PRDM2: variants seen among roughly 807,000 people sequenced by gnomAD.
The protein encoded by PRDM2 is PR/SET domain 2, also known as PR domain zinc finger protein 2.
Under a neutral mutation model 130.0 loss-of-function variants are expected in PRDM2, and 30 were observed. The observed-to-expected ratio is 0.23, with a 90% CI of 0.17 to 0.31. The LOEUF (loss-of-function observed/expected upper bound fraction) is 0.31, where lower values mean the gene tolerates loss of function less well. Among genes scored for constraint, PRDM2 ranks in the 10% least tolerant of loss-of-function variants. The pLI, the probability that PRDM2 is intolerant of heterozygous loss-of-function variation, is 1.00. For synonymous variants in PRDM2, 871 were observed against 782.4 expected (o/e 1.11, Z -1.89); for missense variants, 2,011 against 2,108.4 (o/e 0.95, Z 0.90).
At chr1:13,730,842 G>A (rs1268517195) in intron 2 of PRDM2, among the ~76,000 whole-genome samples, 158 bp from the exon 3 acceptor site, 2 of 151,860 alleles carry the variant, frequency 1.3e-5, no homozygotes, top group Non-Finnish European at 2.9e-5. Flanking sequence ...CATCAAAGCA[G>A]CTCCTCAAAT....
intron 8 of PRDM2, 110 bp from the exon 9 acceptor site, chr1:13,816,317 C>G: frequency 1.4e-6 from 2 of 1,390,410 alleles, no homozygotes; most frequent in Middle Eastern, 1.9e-4. Context: ...AAGTGCAATC[C>G]TATCCTGGCC....
At chr1:13,704,653 C>G (rs1392165662) in intron 1 of PRDM2, among the ~76,000 whole-genome samples, 1 of 152,124 alleles carries the variant, frequency 6.6e-6, no homozygotes, top group Non-Finnish European at 1.5e-5. Flanking sequence ...ATTGGTAAAA[C>G]CCACACATTT....
At chr1:13,712,270 C>T (rs985770935) in intron 1 of PRDM2, among the ~76,000 whole-genome samples, 5 of 152,016 alleles carry the variant, frequency 3.3e-5, no homozygotes, top group African/African-American at 7.3e-5. Context: ...TCAAATAATG[C>T]AATGTTTTAA....
chr1:13,777,581 A>C (rs1644503360), intron 7 of PRDM2, among the ~76,000 whole-genome samples: 3 of 127,904 alleles, frequency 2.3e-5, no homozygotes, highest in Admixed American at 8.3e-5. Flanking sequence ...TATGTTCTTG[A>C]CTCAGCGCTT....
In PRDM2 at chr1:13,781,110, A is replaced by G; in HGVS notation, c.3315A>G (p.Leu1105=). ...TGATATCTTTCAAACAGGAGGAATT[A>G]GAGAATGAAGGTCTGAAACCCAGGG... is the stretch of plus-strand genomic sequence containing the variant. The part of the protein sequence containing the change: ...LPMISFKQEE[L]ENEGLKPREE... The change falls in exon 8 of 10, where the codon TTA becomes TTG. Residue 1105 remains leucine, a synonymous_variant. Transcript: ENST00000311066. The surrounding 1 kb of genome is among the most constrained non-coding windows in gnomAD (Gnocchi z 6.1). 1 of 1,613,966 alleles carries G rather than the reference A, an allele frequency of 6.2e-7. No individual in the cohort carries two copies.
intron 7 of PRDM2, among the ~76,000 whole-genome samples, chr1:13,774,801 C>G (rs900831135): frequency 6.6e-6 from 1 of 151,950 alleles, no homozygotes; most frequent in African/African-American, 2.4e-5. Flanking sequence ...ATGGTGAAAC[C>G]CCGTCTCTAC....
chr1:13,749,942 G>A (rs1306218913), intron 6 of PRDM2, among the ~76,000 whole-genome samples: 1 of 152,146 alleles, frequency 6.6e-6, no homozygotes, highest in Non-Finnish European at 1.5e-5. Flanking sequence ...GCAGGACGCG[G>A]GCCGCGTCGG....
At chr1:13,775,689 C>G (rs1644460549) in intron 7 of PRDM2, among the ~76,000 whole-genome samples, 2 of 152,218 alleles carry the variant, frequency 1.3e-5, no homozygotes. Flanking sequence ...CTCTTCCCCA[C>G]TGTATCCACG....
At chr1:13,716,372 GC>G (rs1309695229) in intron 2 of PRDM2, among the ~76,000 whole-genome samples, 4 of 151,642 alleles carry the variant, frequency 2.6e-5, no homozygotes, top group Non-Finnish European at 2.9e-5. Context: ...AGTGGGTGCA[GC>G]ACACCAGCAT....
intron 8 of PRDM2, among the ~76,000 whole-genome samples, chr1:13,812,280 T>G (rs1389178473): frequency 6.6e-6 from 1 of 151,772 alleles, no homozygotes; most frequent in Non-Finnish European, 1.5e-5. Context: ...TGTGTGGACC[T>G]GGAGGCAGAA....
chr1:13,740,826 A>G (rs1392363687), intron 4 of PRDM2, among the ~76,000 whole-genome samples: 2 of 152,176 alleles, frequency 1.3e-5, no homozygotes, highest in East Asian at 3.9e-4. Flanking sequence ...CTTGGCAATC[A>G]CAGGCCTAGA....
chr1:13,702,158 A>G (rs1642090398), intron 1 of PRDM2, among the ~76,000 whole-genome samples: 2 of 152,122 alleles, frequency 1.3e-5, no homozygotes, highest in African/African-American at 4.8e-5. Context: ...TTCTTTCCTT[A>G]TTTTACAGTT....
chr1:13,735,420 A>T (rs1643237910), intron 4 of PRDM2, among the ~76,000 whole-genome samples: 1 of 152,128 alleles, frequency 6.6e-6, no homozygotes, highest in African/African-American at 2.4e-5. Flanking sequence ...ATATTTTAAA[A>T]CCACCTCTGA....
intron 8 of PRDM2, among the ~76,000 whole-genome samples, chr1:13,807,216 T>C (rs1645098617): frequency 6.6e-6 from 1 of 152,216 alleles, no homozygotes; most frequent in Admixed American, 6.6e-5. Flanking sequence ...CTAAGTGACA[T>C]GTAAAACTAT....
intron 8 of PRDM2, among the ~76,000 whole-genome samples, chr1:13,813,027 T>C (rs1186794826): frequency 6.6e-6 from 1 of 152,172 alleles, no homozygotes; most frequent in Non-Finnish European, 1.5e-5. Context: ...CCAGCGGCCA[T>C]ACTGCATCCT....
chr1:13,791,041 C>T (rs914845392), intron 8 of PRDM2, among the ~76,000 whole-genome samples: 3 of 151,896 alleles, frequency 2.0e-5, no homozygotes, highest in Non-Finnish European at 4.4e-5. Flanking sequence ...TCCAAGGGCA[C>T]ACAACTCTAA....
rs140700877 is a variant in PRDM2, at chr1:13,782,630, A to C, written c.4835A>C (p.His1612Pro). The change falls in exon 8 of 10, where the codon CAC becomes CCC. Residue 1612 changes from histidine to proline, a missense_variant. Physicochemically the swap from His to Pro is moderately conservative, Grantham distance 77. Transcript: ENST00000311066. The part of the protein sequence containing the change: ...QLSSKTSRSL[H>P]VRVQKSKAVL... ...TCCAGCAAAACATCACGGAGCCTGCACGTGAGGGTACAGAAAAGCAAAGCT... is the reference window on the plus strand; with the variant it reads ...TCCAGCAAAACATCACGGAGCCTGCCCGTGAGGGTACAGAAAAGCAAAGCT... 170 of 1,614,078 alleles carry C rather than the reference A, an allele frequency of 1.1e-4. No individual in the cohort carries two copies. Among genetic ancestry groups the C allele is most frequent in the Non-Finnish European group, 9.7e-5 (114 of 1,180,052 alleles).
chr1:13,707,263 C>G (rs1035696584), intron 1 of PRDM2, among the ~76,000 whole-genome samples: 1 of 152,162 alleles, frequency 6.6e-6, no homozygotes, highest in African/African-American at 2.4e-5. Flanking sequence ...CTACCCTGCC[C>G]GTGCTGCTGT....
At chr1:13,800,611 C>G (rs1336848810) in intron 8 of PRDM2, among the ~76,000 whole-genome samples, 3 of 152,164 alleles carry the variant, frequency 2.0e-5, no homozygotes, top group Admixed American at 6.5e-5. Context: ...TGGGAGCCCA[C>G]CGGAGTTTTG....
Sources: allele counts gnomAD v4.1 joint callset (sites outside exome capture counted in the v4.1 genomes callset), GRCh38; gene constraint gnomAD v4.1.1; non-coding constraint Gnocchi (gnomAD v3.1); transcripts MANE v1.5; gene names NCBI Gene and HGNC (gene_info 2026-07-23, HGNC 2026-07-21).